The following RGS6 variants were observed in gnomAD, a reference collection of about 807,000 sequenced individuals.
RGS6 encodes regulator of G protein signaling 6.
A neutral mutation model predicts 78.5 loss-of-function variants in RGS6; 30 were observed. The ratio of observed to expected loss-of-function variants is 0.38; its 90% CI spans 0.29 to 0.52. The LOEUF is 0.52. RGS6 is among the 20% of genes least tolerant of loss of function. The pLI, the probability that RGS6 is intolerant of heterozygous loss-of-function variation, is 0.85. For missense variants in RGS6, 495 were observed against 609.7 expected, an observed-to-expected ratio of 0.81 and a Z score of 1.98; for synonymous variants, 206 against 206.0, an observed-to-expected ratio of 1.00 and a Z score of 0.00.
chr14:72,297,516 T>C (rs1311787314), intron 2 of RGS6, among the ~76,000 whole-genome samples: 1 of 150,632 alleles, frequency 6.6e-6, no homozygotes, highest in African/African-American at 2.4e-5. Context: ...GCTGGTGCGC[T>C]GCACCCACTA....
intron 4 of RGS6, among the ~76,000 whole-genome samples, chr14:72,455,797 A>G (rs1003960512): frequency 4.6e-5 from 7 of 152,216 alleles, no homozygotes; most frequent in Admixed American, 1.3e-4. Context: ...CCTGGACTGA[A>G]TCAGCATCTA....
chr14:72,602,362 A>G, the RGS6 span, among the ~76,000 whole-genome samples: 1 of 152,216 alleles, frequency 6.6e-6, no homozygotes, highest in Non-Finnish European at 1.5e-5. Context: ...CATGCTAGGT[A>G]CTATACACAT....
At chr14:72,446,878 G>C (rs1251173244) in intron 3 of RGS6, among the ~76,000 whole-genome samples, 1 of 152,140 alleles carries the variant, frequency 6.6e-6, no homozygotes, top group East Asian at 1.9e-4. Context: ...GATCTGACAG[G>C]AGGCAGAGCT....
chr14:72,532,110 G>A (rs1461309720), intron 15 of RGS6, among the ~76,000 whole-genome samples: 1 of 152,172 alleles, frequency 6.6e-6, no homozygotes, highest in Non-Finnish European at 1.5e-5. Flanking sequence ...TTGAAGGTTT[G>A]TGGCAACCCT....
chr14:72,404,073 A>G (rs546182589), intron 3 of RGS6, among the ~76,000 whole-genome samples: 5 of 152,220 alleles, frequency 3.3e-5, no homozygotes, highest in Non-Finnish European at 5.9e-5. Context: ...CCTGGGATGG[A>G]CAGTCATGCA....
chr14:72,237,959 G>A (rs1448899016), intron 2 of RGS6, among the ~76,000 whole-genome samples: 1 of 131,964 alleles, frequency 7.6e-6, no homozygotes, highest in Non-Finnish European at 1.7e-5. Context: ...CCTGCCCTCT[G>A]GGTACCTGGC....
At chr14:72,438,680 C>T (rs1322481902) in intron 3 of RGS6, among the ~76,000 whole-genome samples, 1 of 152,214 alleles carries the variant, frequency 6.6e-6, no homozygotes, top group East Asian at 1.9e-4. Context: ...TCACCTGTGC[C>T]CAACCAGCCT....
chr14:72,471,868 A>G (rs2096085646), intron 8 of RGS6, among the ~76,000 whole-genome samples: 1 of 152,258 alleles, frequency 6.6e-6, no homozygotes, highest in Admixed American at 6.5e-5. Flanking sequence ...GAAAGCAAAG[A>G]GGAACGCTAA....
chr14:72,556,063 A>G (rs1398107137), intron 17 of RGS6, among the ~76,000 whole-genome samples: 1 of 152,182 alleles, frequency 6.6e-6, no homozygotes, highest in Non-Finnish European at 1.5e-5. Context: ...TAATCCAGAT[A>G]GGAGAACTGG....
At chr14:72,186,716 T>TC (rs982225102) in intron 2 of RGS6, among the ~76,000 whole-genome samples, 22 of 152,242 alleles carry the variant, frequency 1.4e-4, no homozygotes, top group Admixed American at 4.6e-4. Context: ...ATTTTTTTTT[T>TC]CATTTTCTTG....
rs919639352 is a variant in RGS6 at position 71,969,411 on chromosome 14, G to A, written c.84+4536G>A. On this transcript the variant is annotated intron_variant, in intron 2 of 17. Transcript: ENST00000553525. ...CCTCTTGACAAAGTTCTCCTAACTA[G>A]ACTGGTAATTTGATTTGTTTGGGTC... Among the ~76,000 whole-genome samples the A allele has an allele frequency of 4.6e-5, 7 of 152,252 alleles. No homozygotes were observed. The East Asian group carries it at 1.4e-3, about 29-fold the overall frequency.
upstream of RGS6, among the ~76,000 whole-genome samples, chr14:71,927,950 G>A (rs113912362): frequency 0.081 from 12,313 of 152,046 alleles, 627 homozygotes; most frequent in East Asian, 0.19. Context: ...GAGCCACCGC[G>A]CCCGGCCAAG....
At chr14:71,989,425 G>A (rs145045977) in intron 2 of RGS6, among the ~76,000 whole-genome samples, 109 of 152,338 alleles carry the variant, frequency 7.2e-4, no homozygotes, top group African/African-American at 2.5e-3. Flanking sequence ...TAATCACTGA[G>A]TTATGGTGTT....
chr14:72,003,146 G>A (rs1566996843), intron 2 of RGS6, among the ~76,000 whole-genome samples: 1 of 152,074 alleles, frequency 6.6e-6, no homozygotes. Context: ...TTAAAATATT[G>A]TCATTGTTCT....
At chr14:72,348,836 G>A (rs754013525) in intron 2 of RGS6, among the ~76,000 whole-genome samples, 3 of 152,174 alleles carry the variant, frequency 2.0e-5, no homozygotes, top group Non-Finnish European at 2.9e-5. Flanking sequence ...TAACTTTGCT[G>A]TAGAGCAAAC....
intron 2 of RGS6, among the ~76,000 whole-genome samples, chr14:72,146,228 T>TAG (rs1232889728): frequency 7.2e-5 from 11 of 152,314 alleles, no homozygotes; most frequent in African/African-American, 2.2e-4. Flanking sequence ...ATGAGGGCTC[T>TAG]GCCCTCATGA....
At chr14:72,179,277 G>GA (rs2097144088) in intron 2 of RGS6, among the ~76,000 whole-genome samples, 1 of 152,196 alleles carries the variant, frequency 6.6e-6, no homozygotes, top group African/African-American at 2.4e-5. Flanking sequence ...TGCCCCAGGT[G>GA]GGATGGGGCA....
intron 17 of RGS6, chr14:72,541,165 T>G: frequency 2.9e-6 from 4 of 1,376,188 alleles, no homozygotes; most frequent in East Asian, 4.0e-5. Flanking sequence ...TGGCAGCCCA[T>G]TGATATTGAC....
chr14:71,930,483 T>C (rs377371378), upstream of RGS6, among the ~76,000 whole-genome samples: 6 of 152,200 alleles, frequency 3.9e-5, no homozygotes, highest in African/African-American at 4.8e-5. Flanking sequence ...TACATAGATA[T>C]ATCAGGAATC....
Sources: allele counts gnomAD v4.1 joint callset (sites outside exome capture counted in the v4.1 genomes callset), GRCh38; gene constraint gnomAD v4.1.1; transcripts MANE v1.5; gene names NCBI Gene and HGNC (gene_info 2026-07-23, HGNC 2026-07-21).